The following ARHGAP10 variants were observed in gnomAD, a reference collection of about 807,000 sequenced individuals.
ARHGAP10 encodes the protein rho GTPase-activating protein 10.
Under a neutral mutation model 108.6 loss-of-function variants are expected in ARHGAP10, and 87 were observed. That is an observed-to-expected ratio of 0.80 (90% CI 0.67 to 0.96). The LOEUF (loss-of-function observed/expected upper bound fraction) is 0.96. ARHGAP10 is among the 40% of genes least tolerant of loss of function. ARHGAP10 has a pLI of 0.00. For missense variants in ARHGAP10, 939 were observed against 954.5 expected, an observed-to-expected ratio of 0.98 and a Z score of 0.21; for synonymous variants, 347 against 341.1, an observed-to-expected ratio of 1.02 and a Z score of -0.19.
At chr4:148,002,354 G>A (rs1478260193) in intron 18 of ARHGAP10, among the ~76,000 whole-genome samples, 1 of 152,146 alleles carries the variant, frequency 6.6e-6, no homozygotes, top group Non-Finnish European at 1.5e-5. Flanking sequence ...TGTTCATCAG[G>A]GATATTGGTC....
At chr4:147,993,889 T>A (rs1439765314) in intron 18 of ARHGAP10, among the ~76,000 whole-genome samples, 11 of 152,196 alleles carry the variant, frequency 7.2e-5, no homozygotes. Flanking sequence ...AGCTGGTGTT[T>A]CAGACATGGG....
At chr4:147,983,170 T>C (rs1344900511) in intron 18 of ARHGAP10, among the ~76,000 whole-genome samples, 2 of 141,102 alleles carry the variant, frequency 1.4e-5, no homozygotes, top group African/African-American at 5.3e-5. Flanking sequence ...GCATGAGCCA[T>C]GGTGCCTGGC....
chr4:147,948,341 A>T (rs1302329526), intron 15 of ARHGAP10, among the ~76,000 whole-genome samples: 4 of 152,216 alleles, frequency 2.6e-5, no homozygotes, highest in African/African-American at 9.6e-5. Flanking sequence ...ATTATTATGC[A>T]CAACAAAATT....
intron 4 of ARHGAP10, among the ~76,000 whole-genome samples, chr4:147,856,761 T>G (rs1480759805): frequency 1.3e-5 from 2 of 152,240 alleles, no homozygotes; most frequent in Non-Finnish European, 2.9e-5. Flanking sequence ...ATACTTAACC[T>G]GTATTCATAC....
At chr4:147,984,960 C>G (rs531627799) in intron 18 of ARHGAP10, among the ~76,000 whole-genome samples, 1 of 152,186 alleles carries the variant, frequency 6.6e-6, no homozygotes, top group Non-Finnish European at 1.5e-5. Context: ...GTCCGAGCAT[C>G]AGCTTTGAGG....
intron 1 of ARHGAP10, among the ~76,000 whole-genome samples, chr4:147,797,698 G>A (rs1043294290): frequency 1.3e-5 from 2 of 152,256 alleles, no homozygotes; most frequent in East Asian, 1.9e-4. Flanking sequence ...AGCATGAGCC[G>A]TTGCGCCTGG....
intron 1 of ARHGAP10, among the ~76,000 whole-genome samples, chr4:147,810,495 A>G (rs1000419389): frequency 6.6e-6 from 1 of 152,344 alleles, no homozygotes; most frequent in African/African-American, 2.4e-5. Context: ...GCTTCTGAGT[A>G]TTTAACAAAC....
chr4:147,846,099 C>T (rs898522680), intron 3 of ARHGAP10, among the ~76,000 whole-genome samples: 2 of 152,096 alleles, frequency 1.3e-5, no homozygotes, highest in Non-Finnish European at 2.9e-5. Flanking sequence ...GAGGGGAATC[C>T]AGGGGTCAGC....
At chr4:148,068,725 C>G (rs1310378247) in intron 22 of ARHGAP10, among the ~76,000 whole-genome samples, 3 of 152,198 alleles carry the variant, frequency 2.0e-5, no homozygotes, top group African/African-American at 7.2e-5. Flanking sequence ...GACGCAGCCT[C>G]CCTGTGGGTC....
intron 3 of ARHGAP10, among the ~76,000 whole-genome samples, chr4:147,836,475 A>C (rs1302560247): frequency 6.6e-6 from 1 of 152,192 alleles, no homozygotes; most frequent in African/African-American, 2.4e-5. Context: ...TATATACTTT[A>C]AAATCATAGT....
chr4:147,838,781 C>T (rs1026965323), intron 3 of ARHGAP10, among the ~76,000 whole-genome samples: 1 of 152,128 alleles, frequency 6.6e-6, no homozygotes, highest in African/African-American at 2.4e-5. Flanking sequence ...TGATCTTATT[C>T]CTTTTAAAGT....
chr4:147,936,062 A>G lies in ARHGAP10; in HGVS notation c.1229-3763A>G, dbSNP rs889654360. Among the ~76,000 whole-genome samples the G allele has an allele frequency of 4.6e-5, 7 of 152,282 alleles. No homozygotes were observed. In the South Asian group the frequency reaches 1.5e-3, roughly 32 times the overall value. ...CACAGAGGCATGTTTGCTTGAATGC[A>G]GAGTATGATTTGCTCTTTTGGCTTC... On this transcript the variant is annotated intron_variant, in intron 13 of 22. Coordinates refer to ENST00000336498, the MANE Select transcript of ARHGAP10 (RefSeq NM_024605.4).
At chr4:147,816,530 G>A (rs1446784627) in intron 1 of ARHGAP10, among the ~76,000 whole-genome samples, 1 of 152,158 alleles carries the variant, frequency 6.6e-6, no homozygotes, top group Non-Finnish European at 1.5e-5. Context: ...TCAGAGTTAG[G>A]GCCAGGAATG....
intron 18 of ARHGAP10, among the ~76,000 whole-genome samples, chr4:147,996,539 G>T (rs1032894198): frequency 2.0e-5 from 3 of 152,184 alleles, no homozygotes; most frequent in Non-Finnish European, 4.4e-5. Flanking sequence ...CAGAGCTTCT[G>T]TTGGAATCGT....
At chr4:147,890,920 C>T (rs1735774448) in intron 10 of ARHGAP10, among the ~76,000 whole-genome samples, 3 of 152,052 alleles carry the variant, frequency 2.0e-5, no homozygotes, top group African/African-American at 7.2e-5. Flanking sequence ...ATCAAAACCA[C>T]AATGAGATAC....
At chr4:147,850,638 C>T (rs1049729342) in intron 4 of ARHGAP10, among the ~76,000 whole-genome samples, 14 of 152,304 alleles carry the variant, frequency 9.2e-5, no homozygotes, top group South Asian at 4.1e-4. Flanking sequence ...GGACAAACTC[C>T]GGACACACCA....
At chr4:148,008,325 C>A (rs777169038) in intron 18 of ARHGAP10, among the ~76,000 whole-genome samples, 4 of 151,954 alleles carry the variant, frequency 2.6e-5, no homozygotes, top group African/African-American at 9.7e-5. Context: ...AAAACAAAGC[C>A]GGTGCTAACA....
chr4:147,984,114 C>A (rs1739934212), intron 18 of ARHGAP10, among the ~76,000 whole-genome samples: 1 of 152,066 alleles, frequency 6.6e-6, no homozygotes, highest in African/African-American at 2.4e-5. Flanking sequence ...GTGGCTTTCT[C>A]CTTTGTTGCT....
intron 1 of ARHGAP10, among the ~76,000 whole-genome samples, chr4:147,769,634 G>A (rs889351798): frequency 6.6e-6 from 1 of 152,200 alleles, no homozygotes; most frequent in African/African-American, 2.4e-5. Flanking sequence ...AATCATCAGA[G>A]ATGACATTCT....
Sources: allele counts gnomAD v4.1 joint callset (sites outside exome capture counted in the v4.1 genomes callset), GRCh38; gene constraint gnomAD v4.1.1; transcripts MANE v1.5; gene names NCBI Gene and HGNC (gene_info 2026-07-23, HGNC 2026-07-21).